POGLUT3: variants seen among roughly 807,000 people sequenced by gnomAD.
The protein encoded by POGLUT3 is protein O-glucosyltransferase 3.
POGLUT3 carries 48 observed loss-of-function variants against 54.3 expected under a neutral mutation model. The ratio of observed to expected loss-of-function variants is 0.88; its 90% CI spans 0.70 to 1.12. The LOEUF is 1.12. Among genes scored for constraint, POGLUT3 ranks in the 50% most tolerant of loss-of-function variants. The probability of loss-of-function intolerance (pLI) is 0.00; values close to 1 mark genes in which losing one functional copy is unlikely to be tolerated. For missense variants in POGLUT3, 629 were observed against 618.7 expected (o/e 1.02, Z -0.18); for synonymous variants, 218 against 237.4 (o/e 0.92, Z 0.75).
chr11:108,481,149 C>T (rs1268145070), intron 5 of POGLUT3, 31 bp downstream of exon 5: 12 of 1,538,178 alleles, frequency 7.8e-6, no homozygotes, highest in African/African-American at 2.8e-5. Flanking sequence ...TTTATCGCTT[C>T]ATATCCATAG....
intron 7 of POGLUT3, among the ~76,000 whole-genome samples, chr11:108,476,051 G>C (rs1240336566): frequency 6.6e-6 from 1 of 152,076 alleles, no homozygotes; most frequent in African/African-American, 2.4e-5. Context: ...AGGTGGGAGG[G>C]GGGAAGAATC....
At chr11:108,487,452 G>C (rs950561188) in intron 2 of POGLUT3, among the ~76,000 whole-genome samples, 1 of 152,190 alleles carries the variant, frequency 6.6e-6, no homozygotes, top group Non-Finnish European at 1.5e-5. Flanking sequence ...TACTGCTTAA[G>C]GGAGCTTCGA....
In POGLUT3 at chr11:108,474,278, T is replaced by G. The variant is rs910106396; in HGVS notation, c.*549A>C. 3 of 152,202 alleles carry G rather than the reference T, an allele frequency of 2.0e-5. No individual in the cohort carries two copies. The highest frequency in any genetic ancestry group is 7.2e-5 in the African/African-American group (3 of 41,438). The allele number at this position is 152,202 out of a possible 1,614,324, so 9.4% of individuals were successfully genotyped here. A position where few individuals can be genotyped will look rare whatever the true frequency, so the allele number is the denominator to read the frequency against. ...AACTATGATGCTGATAATAGCAGTTTTTACGCAAAAGATATTAATATTCAA... is the reference window on the plus strand; with the variant it reads ...AACTATGATGCTGATAATAGCAGTTGTTACGCAAAAGATATTAATATTCAA... On this transcript the variant is annotated 3_prime_UTR_variant, in exon 8 of 8. Coordinates refer to ENST00000323468, the MANE Select transcript of POGLUT3 (RefSeq NM_153705.5).
At chr11:108,490,529 C>T (rs950409341) in intron 2 of POGLUT3, among the ~76,000 whole-genome samples, 2 of 152,072 alleles carry the variant, frequency 1.3e-5, no homozygotes, top group Non-Finnish European at 2.9e-5. Context: ...TGCCACTGTA[C>T]TCCAGCCTGG....
chr11:108,484,235 G>A (rs955313247), intron 3 of POGLUT3, among the ~76,000 whole-genome samples: 6 of 152,174 alleles, frequency 3.9e-5, no homozygotes, highest in Non-Finnish European at 5.9e-5. Flanking sequence ...CTACTGCTAT[G>A]AAGCCAGCAA....
chr11:108,487,931 T>C (rs959700412), intron 2 of POGLUT3, among the ~76,000 whole-genome samples: 1 of 150,894 alleles, frequency 6.6e-6, no homozygotes, highest in African/African-American at 2.4e-5. Context: ...ACTCTTTTCA[T>C]TGACAACAAG....
chr11:108,495,115 C>G (rs2093619964), intron 1 of POGLUT3, among the ~76,000 whole-genome samples: 1 of 152,190 alleles, frequency 6.6e-6, no homozygotes, highest in African/African-American at 2.4e-5. Context: ...CAGGGAAATT[C>G]TACACTGTCG....
rs1443833159 is a variant in POGLUT3, at chr11:108,473,408, G to A, written c.*1419C>T. The A allele has an allele frequency of 1.3e-5, 2 of 152,190 alleles. No individual in the cohort carries two copies. The highest frequency in any genetic ancestry group is 3.9e-4 in the East Asian group (2 of 5,192). 9.4% of individuals were successfully genotyped at this position (152,190 alleles called of 1,614,324 possible). ...GAGGATAGCTCTTGTTTTAGAACATGCACTTTAGTGAACTGAACCTTGGAC... is the reference window on the plus strand; with the variant it reads ...GAGGATAGCTCTTGTTTTAGAACATACACTTTAGTGAACTGAACCTTGGAC... On this transcript the variant is annotated 3_prime_UTR_variant, in exon 8 of 8. Coordinates refer to ENST00000323468, the MANE Select transcript of POGLUT3 (RefSeq NM_153705.5).
intron 2 of POGLUT3, among the ~76,000 whole-genome samples, chr11:108,487,680 C>T (rs1043510573): frequency 3.9e-5 from 6 of 152,210 alleles, no homozygotes; most frequent in Non-Finnish European, 7.4e-5. Context: ...GGCGTGATCT[C>T]GGCTCACTGC....
At chr11:108,481,079 G>T (rs2093591339) in intron 5 of POGLUT3, 101 bp downstream of exon 5, 1 of 837,932 alleles carries the variant, frequency 1.2e-6, no homozygotes, top group Non-Finnish European at 1.9e-6. Context: ...ATGTGTGTCA[G>T]TTCACAAGCC....
chr11:108,492,078 T>A (rs1218445344), intron 1 of POGLUT3, among the ~76,000 whole-genome samples: 3 of 149,762 alleles, frequency 2.0e-5, no homozygotes, highest in Non-Finnish European at 4.5e-5. Flanking sequence ...TTGTACAAGC[T>A]CACACACACA....
intron 3 of POGLUT3, among the ~76,000 whole-genome samples, chr11:108,483,839 T>C (rs1443107044): frequency 6.6e-6 from 1 of 152,022 alleles, no homozygotes; most frequent in Admixed American, 6.6e-5. Flanking sequence ...CGGCTAATTT[T>C]TGTATTTTTA....
chr11:108,492,652 A>C (rs1476843800), intron 1 of POGLUT3, among the ~76,000 whole-genome samples: 1 of 152,178 alleles, frequency 6.6e-6, no homozygotes, highest in Non-Finnish European at 1.5e-5. Flanking sequence ...AGTAATAACA[A>C]TGTGGTATCT....
intron 1 of POGLUT3, among the ~76,000 whole-genome samples, chr11:108,493,294 A>T (rs2093616324): frequency 6.6e-6 from 1 of 152,232 alleles, no homozygotes; most frequent in African/African-American, 2.4e-5. Flanking sequence ...TATATTTTAA[A>T]TGTTCAGTTA....
rs537516858 is a variant in POGLUT3, at chr11:108,487,289, C to T, written c.401-849G>A. 4.6e-5 allele frequency among the ~76,000 whole-genome samples: 6 copies of T among 130,110 alleles called. No individual in the cohort carries two copies. In the East Asian group the frequency reaches 1.5e-3, roughly 32 times the overall value. 85.4% of individuals were successfully genotyped at this position (130,110 alleles called of 152,430 possible). ...ACATCTTAAATGTATTGATTAATGTCTTATGTCTTACTAAAATGTATAAAA... is the reference window on the plus strand; with the variant it reads ...ACATCTTAAATGTATTGATTAATGTTTTATGTCTTACTAAAATGTATAAAA... On this transcript the variant is annotated intron_variant, in intron 2 of 7. Transcript: ENST00000323468.
chr11:108,479,193 TA>T (rs2093587744), intron 6 of POGLUT3, 107 bp downstream of exon 6: 1 of 751,396 alleles, frequency 1.3e-6, no homozygotes, highest in East Asian at 3.2e-5. Flanking sequence ...CAGAAAATAA[TA>T]TTTCTTTTCA....
At chr11:108,487,185 G>T (rs1253102978) in intron 2 of POGLUT3, among the ~76,000 whole-genome samples, 1 of 152,006 alleles carries the variant, frequency 6.6e-6, no homozygotes, top group African/African-American at 2.4e-5. Context: ...ATCTACCTAT[G>T]ACCTGGAAGC....
chr11:108,495,208 G>C (rs942726805), intron 1 of POGLUT3, among the ~76,000 whole-genome samples: 4 of 152,180 alleles, frequency 2.6e-5, no homozygotes, highest in African/African-American at 9.7e-5. Context: ...TTTCCAATTA[G>C]TTCTTTTGTG....
intron 7 of POGLUT3, 132 bp from the exon 8 acceptor site, chr11:108,475,084 T>C (rs867930582): frequency 1.1e-6 from 1 of 889,888 alleles, no homozygotes; most frequent in African/African-American, 1.7e-5. Context: ...ACCAAAGGTC[T>C]GGTTTATTCC....
Sources: gnomAD v4.1 joint callset for allele counts (sites outside exome capture counted in the v4.1 genomes callset) on GRCh38, gnomAD v4.1.1 for gene constraint, MANE v1.5 for transcripts, NCBI Gene and HGNC (gene_info 2026-07-23, HGNC 2026-07-21) for gene names.